Variants in TGFBR2 observed in about 807,000 individuals in gnomAD.
The protein encoded by TGFBR2 is transforming growth factor beta receptor 2, also known as TGF-beta receptor type-2.
Under a neutral mutation model 49.0 loss-of-function variants are expected in TGFBR2, and 18 were observed. The observed-to-expected ratio is 0.37, with a 90% CI of 0.25 to 0.54. The LOEUF (loss-of-function observed/expected upper bound fraction) is 0.54, where lower values mean the gene tolerates loss of function less well. Among genes scored for constraint, TGFBR2 ranks in the 20% least tolerant of loss-of-function variants. The pLI is 0.85. For synonymous variants in TGFBR2, 282 were observed against 275.9 expected (o/e 1.02, Z -0.22); for missense variants, 525 against 722.6 (o/e 0.73, Z 3.13).
At chr3:30,631,621 C>CTTTTT (rs71093918) in intron 1 of TGFBR2, among the ~76,000 whole-genome samples, 19 of 115,354 alleles carry the variant, frequency 1.6e-4, no homozygotes, top group South Asian at 3.0e-4. Context: ...CAACTTCTTT[C>CTTTTT]TTTTTTTTTT....
At chr3:30,607,058 G>C (rs1476145065) in intron 1 of TGFBR2, 81 bp downstream of exon 1, 4 of 1,275,450 alleles carry the variant, frequency 3.1e-6, no homozygotes, top group Non-Finnish European at 4.4e-6. Flanking sequence ...CTTGACAGTC[G>C]GGCCCGGCAA....
At chr3:30,661,148 C>T (rs976928953) in intron 3 of TGFBR2, among the ~76,000 whole-genome samples, 2 of 152,202 alleles carry the variant, frequency 1.3e-5, no homozygotes, top group South Asian at 2.1e-4. Context: ...GTAATTCAGA[C>T]AGCCAGCCAG....
At chr3:30,612,278 G>A (rs540898087) in intron 1 of TGFBR2, among the ~76,000 whole-genome samples, 88 of 152,276 alleles carry the variant, frequency 5.8e-4, no homozygotes, top group African/African-American at 2.0e-3. Flanking sequence ...ATGGAAAGAT[G>A]GATCCTGCTC....
chr3:30,621,168 A>G lies in TGFBR2; in HGVS notation c.94+14191A>G, dbSNP rs72849347. On this transcript the variant is annotated intron_variant, in intron 1 of 6. Coordinates refer to ENST00000295754, the MANE Select transcript of TGFBR2 (RefSeq NM_003242.6). ...TCATCACCCATGTAGCCACTCCTCTATGGGAATTCTGGAGCTACCACTGAC... is the reference window on the plus strand; with the variant it reads ...TCATCACCCATGTAGCCACTCCTCTGTGGGAATTCTGGAGCTACCACTGAC... Among the ~76,000 whole-genome samples the G allele has an allele frequency of 2.1e-3, 324 of 152,010 alleles. 3 individuals are homozygous for G. Among genetic ancestry groups the G allele is most frequent in the African/African-American group, 7.1e-3 (295 of 41,464 alleles).
chr3:30,612,430 A>C (rs191641217), intron 1 of TGFBR2, among the ~76,000 whole-genome samples: 1 of 152,016 alleles, frequency 6.6e-6, no homozygotes, highest in South Asian at 2.1e-4. Context: ...GGGTGAATGG[A>C]TATCAGATTT....
intron 3 of TGFBR2, among the ~76,000 whole-genome samples, chr3:30,666,004 C>T (rs971832215): frequency 6.6e-6 from 1 of 152,066 alleles, no homozygotes; most frequent in Non-Finnish European, 1.5e-5. Context: ...AAATGGTGAG[C>T]GTAAGTCACA....
At chr3:30,690,818 T>C (rs889041092) in intron 6 of TGFBR2, among the ~76,000 whole-genome samples, 4 of 152,216 alleles carry the variant, frequency 2.6e-5, no homozygotes, top group African/African-American at 9.6e-5. Flanking sequence ...TACATGTCAT[T>C]ATACATTTGT....
intron 4 of TGFBR2, among the ~76,000 whole-genome samples, chr3:30,673,361 T>C (rs1699376082): frequency 6.6e-6 from 1 of 152,242 alleles, no homozygotes; most frequent in African/African-American, 2.4e-5. Context: ...TTTATTGTTA[T>C]TTAGTCAGTT....
chr3:30,632,971 G>A (rs1019054187), intron 1 of TGFBR2, among the ~76,000 whole-genome samples: 1 of 152,170 alleles, frequency 6.6e-6, no homozygotes, highest in South Asian at 2.1e-4. Context: ...TTTTGTCTAA[G>A]AAACTTATTG....
chr3:30,661,561 A>G, intron 3 of TGFBR2: 1 of 514,350 alleles, frequency 1.9e-6, no homozygotes, highest in Non-Finnish European at 3.9e-6. Context: ...TATAGGTTCA[A>G]ACAATCGATT....
intron 2 of TGFBR2, among the ~76,000 whole-genome samples, chr3:30,648,455 CACACACAA>C (rs1252979780): frequency 2.8e-5 from 4 of 140,602 alleles, no homozygotes; most frequent in African/African-American, 8.1e-5. Context: ...CACACACACA[CACACACAA>C]AACTGTGGGG....
intron 3 of TGFBR2, among the ~76,000 whole-genome samples, chr3:30,669,319 A>G (rs1559465845): frequency 2.0e-5 from 3 of 151,998 alleles, no homozygotes; most frequent in Admixed American, 1.3e-4. Context: ...AGACTGGGGT[A>G]TATAACCTGG....
At chr3:30,646,119 T>C (rs779535951) in intron 2 of TGFBR2, among the ~76,000 whole-genome samples, 4 of 152,166 alleles carry the variant, frequency 2.6e-5, no homozygotes, top group Non-Finnish European at 5.9e-5. Flanking sequence ...TAAACCCAAA[T>C]ATCTCTCCCC....
chr3:30,642,657 C>A (rs568744912), intron 1 of TGFBR2, among the ~76,000 whole-genome samples: 1 of 152,130 alleles, frequency 6.6e-6, no homozygotes, highest in African/African-American at 2.4e-5. Flanking sequence ...GATGCTTGTC[C>A]AAAACATACT....
At chr3:30,629,103 C>G (rs759942391) in intron 1 of TGFBR2, among the ~76,000 whole-genome samples, 1 of 152,194 alleles carries the variant, frequency 6.6e-6, no homozygotes, top group African/African-American at 2.4e-5. Context: ...GAACGCAGGT[C>G]CTTTTGAATT....
At chr3:30,685,830 G>A (rs980624604) in intron 5 of TGFBR2, among the ~76,000 whole-genome samples, 7 of 152,198 alleles carry the variant, frequency 4.6e-5, no homozygotes, top group African/African-American at 1.7e-4. Context: ...TTGGTCAAGG[G>A]GACCTTGGCA....
intron 6 of TGFBR2, among the ~76,000 whole-genome samples, chr3:30,688,890 T>A (rs987045914): frequency 1.1e-4 from 17 of 152,178 alleles, no homozygotes; most frequent in Non-Finnish European, 2.5e-4. Context: ...TTCAGCTCCA[T>A]AAGGAAATAC....
intron 1 of TGFBR2, among the ~76,000 whole-genome samples, chr3:30,609,640 T>G (rs1448637960): frequency 6.6e-6 from 1 of 152,218 alleles, no homozygotes; most frequent in East Asian, 1.9e-4. Flanking sequence ...TCTTCAGGTC[T>G]GAAAAATATG....
At chr3:30,607,613 C>T (rs1697946726) in intron 1 of TGFBR2, among the ~76,000 whole-genome samples, 3 of 151,818 alleles carry the variant, frequency 2.0e-5, no homozygotes, top group African/African-American at 7.3e-5. Context: ...CCGAGAATCC[C>T]TCACTGAATG....
Sources: gnomAD v4.1 joint callset for allele counts (sites outside exome capture counted in the v4.1 genomes callset) on GRCh38, gnomAD v4.1.1 for gene constraint, MANE v1.5 for transcripts, NCBI Gene and HGNC (gene_info 2026-07-23, HGNC 2026-07-21) for gene names.